INVS: variants seen among roughly 807,000 people sequenced by gnomAD.
INVS encodes inversin.
Under a neutral mutation model 108.8 loss-of-function variants are expected in INVS, and 86 were observed. That is an observed-to-expected ratio of 0.79 (90% CI 0.66 to 0.95). The LOEUF is 0.95. Ranked by LOEUF, INVS falls within the 40% of genes least tolerant of loss-of-function variation. INVS has a pLI of 0.00. For synonymous variants in INVS, 455 were observed against 473.5 expected (o/e 0.96, Z 0.51); for missense variants, 1,169 against 1,297.4 (o/e 0.90, Z 1.52).
At chr9:100,287,661 A>G (rs1400436978) in intron 13 of INVS, among the ~76,000 whole-genome samples, 1 of 152,268 alleles carries the variant, frequency 6.6e-6, no homozygotes, top group East Asian at 1.9e-4. Flanking sequence ...TCCTGCTACC[A>G]TGTGAAGAAG....
intron 2 of INVS, among the ~76,000 whole-genome samples, chr9:100,114,051 A>G (rs1425181488): frequency 6.6e-6 from 1 of 152,232 alleles, no homozygotes; most frequent in Non-Finnish European, 1.5e-5. Flanking sequence ...TTTCACTTAC[A>G]ATACATAGCT....
intron 14 of INVS, among the ~76,000 whole-genome samples, chr9:100,295,894 G>A (rs575832407): frequency 2.2e-4 from 33 of 152,254 alleles, no homozygotes; most frequent in Non-Finnish European, 4.4e-4. Context: ...GAATTATAGC[G>A]CGGTAGTGCC....
chr9:100,099,920 A>T (rs1826766154), intron 1 of INVS, among the ~76,000 whole-genome samples: 1 of 152,160 alleles, frequency 6.6e-6, no homozygotes, highest in South Asian at 2.1e-4. Flanking sequence ...CCTTTGCTTC[A>T]GCTTTCCTGC....
chr9:100,301,795 GT>G lies in INVS; in HGVS notation c.*1126del, dbSNP rs1270155936. Among the ~76,000 whole-genome samples, 2 of 152,094 alleles carry G rather than the reference GT, an allele frequency of 1.3e-5. No homozygotes were observed. Among genetic ancestry groups the G allele is most frequent in the Non-Finnish European group, 2.9e-5 (2 of 68,022 alleles). On this transcript the variant is annotated 3_prime_UTR_variant, in exon 17 of 17. Coordinates refer to ENST00000262457, the MANE Select transcript of INVS (RefSeq NM_014425.5). ...ATGAAGTGTTCACTTAATTACCTTG[GT>G]TTTTAGTTTACTAATTATTACATTC... is the stretch of plus-strand genomic sequence containing the variant.
chr9:100,129,035 A>T (rs1188307016), intron 3 of INVS, among the ~76,000 whole-genome samples: 2 of 151,692 alleles, frequency 1.3e-5, no homozygotes, highest in African/African-American at 4.8e-5. Context: ...ACAAAAAAAA[A>T]TTAGCTGGGT....
At chr9:100,276,798 C>T (rs756454279) in intron 12 of INVS, among the ~76,000 whole-genome samples, 65 of 152,276 alleles carry the variant, frequency 4.3e-4, no homozygotes, top group Non-Finnish European at 6.3e-4. Flanking sequence ...AGCCACCACG[C>T]CCAGCCCCCT....
In INVS at chr9:100,246,773, A is replaced by C. The variant is rs1484883159; in HGVS notation, c.1064A>C (p.Lys355Thr). 2 of 1,614,042 alleles carry C rather than the reference A, an allele frequency of 1.2e-6. No individual in the cohort carries two copies. Among genetic ancestry groups the C allele is most frequent in the Non-Finnish European group, 1.7e-6 (2 of 1,179,928 alleles). The change falls in exon 8 of 17, where the codon AAA (lysine) becomes ACA (threonine). Residue 355 changes from lysine to threonine, a missense_variant. Coordinates refer to ENST00000262457, the MANE Select transcript of INVS (RefSeq NM_014425.5). ...GACATAGATATTAACATGGCTGACA[A>C]ATATGGAGGTACAGGTGAGAACTGG... ...KSDIDINMAD[K>T]YGGTALHAAA... is the part of the protein sequence containing the mutation.
chr9:100,189,106 C>CTTTTTTTTTTTTTTTTTTTTTTTTTTTT (rs60762136), intron 3 of INVS, among the ~76,000 whole-genome samples: 1 of 69,564 alleles, frequency 1.4e-5, no homozygotes, highest in African/African-American at 6.8e-5. Context: ...TTTGCATCTT[C>CTTTTTTTTTTTTTTTTTTTTTTTTTTTT]TTTTTTTTTT....
At chr9:100,291,256 A>G (rs2806698) in intron 13 of INVS, among the ~76,000 whole-genome samples, 116,962 of 151,906 alleles carry the variant, frequency 0.77, 45,319 homozygotes, top group African/African-American at 0.86. Context: ...TAGAGACGAG[A>G]TTTCACCATG....
intron 4 of INVS, among the ~76,000 whole-genome samples, chr9:100,227,474 C>G (rs989043446): frequency 1.3e-5 from 2 of 151,674 alleles, no homozygotes; most frequent in African/African-American, 4.9e-5. Flanking sequence ...AATAATTATC[C>G]TAATAGGGAA....
chr9:100,176,286 G>A (rs1564145050), intron 3 of INVS, among the ~76,000 whole-genome samples: 1 of 152,114 alleles, frequency 6.6e-6, no homozygotes, highest in South Asian at 2.1e-4. Context: ...GAGAAAAAAG[G>A]TTTTAATAAC....
At chr9:100,222,239 A>G (rs769487206) in intron 3 of INVS, among the ~76,000 whole-genome samples, 2 of 152,142 alleles carry the variant, frequency 1.3e-5, no homozygotes, top group Non-Finnish European at 2.9e-5. Flanking sequence ...TCTACTGAGC[A>G]TTTGCTTTGT....
At chr9:100,234,721 T>C (rs927151089) in intron 5 of INVS, among the ~76,000 whole-genome samples, 2 of 152,234 alleles carry the variant, frequency 1.3e-5, no homozygotes, top group Non-Finnish European at 2.9e-5. Context: ...TGCACTGTGG[T>C]CTAAGAGACT....
At chr9:100,281,949 A>G (rs1481220702) in intron 12 of INVS, among the ~76,000 whole-genome samples, 5 of 152,178 alleles carry the variant, frequency 3.3e-5, no homozygotes, top group African/African-American at 7.2e-5. Context: ...TTTCCTAAAA[A>G]GAAAGAGGAG....
intron 3 of INVS, among the ~76,000 whole-genome samples, chr9:100,152,580 A>G (rs1377418671): frequency 6.6e-6 from 1 of 152,180 alleles, no homozygotes; most frequent in African/African-American, 2.4e-5. Flanking sequence ...TCACCATTCC[A>G]ATTCTGATGG....
intron 3 of INVS, among the ~76,000 whole-genome samples, chr9:100,163,741 G>A (rs917518534): frequency 6.6e-6 from 1 of 152,172 alleles, no homozygotes; most frequent in Non-Finnish European, 1.5e-5. Flanking sequence ...ACCTTTCTGG[G>A]AGAGAATATG....
intron 2 of INVS, among the ~76,000 whole-genome samples, chr9:100,107,378 A>C (rs953841947): frequency 1.3e-5 from 2 of 152,208 alleles, no homozygotes; most frequent in African/African-American, 2.4e-5. Flanking sequence ...GAACTAAAAA[A>C]TGTATGTATA....
At chr9:100,288,727 C>G (rs1360090036) in intron 13 of INVS, among the ~76,000 whole-genome samples, 1 of 151,848 alleles carries the variant, frequency 6.6e-6, no homozygotes, top group African/African-American at 2.4e-5. Context: ...TTCAAGTGAT[C>G]CCCCCATCTC....
intron 5 of INVS, among the ~76,000 whole-genome samples, chr9:100,232,659 A>G (rs1831549362): frequency 6.6e-6 from 1 of 151,928 alleles, no homozygotes; most frequent in African/African-American, 2.4e-5. Flanking sequence ...AGATCAGATG[A>G]TTGTAGATGT....
Sources: gnomAD v4.1 joint callset for allele counts (sites outside exome capture counted in the v4.1 genomes callset) on GRCh38, gnomAD v4.1.1 for gene constraint, MANE v1.5 for transcripts, NCBI Gene and HGNC (gene_info 2026-07-23, HGNC 2026-07-21) for gene names.